RAPGEF2: variants seen among roughly 807,000 people sequenced by gnomAD.
RAPGEF2 encodes Rap guanine nucleotide exchange factor 2, also known as PDZ domain containing guanine nucleotide exchange factor (GEF) 1.
In RAPGEF2, 54 loss-of-function variants were observed where a neutral mutation model predicts 186.7. The ratio of observed to expected loss-of-function variants is 0.29; its 90% CI spans 0.23 to 0.36. The LOEUF (loss-of-function observed/expected upper bound fraction) is 0.36. RAPGEF2 is among the 10% of genes least tolerant of loss of function. RAPGEF2 has a pLI of 1.00. For missense variants in RAPGEF2, 1,532 were observed against 2,045.0 expected (o/e 0.75, Z 4.84); for synonymous variants, 712 against 705.9 (o/e 1.01, Z -0.14).
At chr4:159,342,410 T>C (rs1729593816) in intron 20 of RAPGEF2, among the ~76,000 whole-genome samples, 1 of 151,620 alleles carries the variant, frequency 6.6e-6, no homozygotes, top group Admixed American at 6.6e-5. Context: ...AGAGCTTAGA[T>C]TGAGGTTAGA....
intron 11 of RAPGEF2, chr4:159,327,806 A>G (rs1432786047): frequency 2.0e-5 from 3 of 151,956 alleles, no homozygotes; most frequent in Non-Finnish European, 1.5e-5. Flanking sequence ...AGTAAAATGT[A>G]TTTCTTTTAA....
At chr4:159,116,867 CTG>C (rs1366123660) in intron 1 of RAPGEF2, among the ~76,000 whole-genome samples, 1 of 152,086 alleles carries the variant, frequency 6.6e-6, no homozygotes, top group Non-Finnish European at 1.5e-5. Flanking sequence ...CACATGGACA[CTG>C]GGGCCTGTCA....
chr4:159,287,037 T>C (rs770601152), intron 7 of RAPGEF2, among the ~76,000 whole-genome samples: 1 of 152,152 alleles, frequency 6.6e-6, no homozygotes, highest in Non-Finnish European at 1.5e-5. Flanking sequence ...AGAGGAAAAT[T>C]AATAAGAAGT....
At chr4:159,327,783 A>T (rs1490370595) in intron 11 of RAPGEF2, 1 of 152,168 alleles carries the variant, frequency 6.6e-6, no homozygotes, top group Admixed American at 6.5e-5. Context: ...TTTAAAAAAG[A>T]TAAATATTTT....
intron 19 of RAPGEF2, among the ~76,000 whole-genome samples, chr4:159,340,503 A>C (rs1393759732): frequency 1.3e-5 from 2 of 152,184 alleles, no homozygotes; most frequent in African/African-American, 4.8e-5. Context: ...TCAAGGGCGC[A>C]AAGTATATAT....
intron 1 of RAPGEF2, among the ~76,000 whole-genome samples, chr4:159,181,479 T>C (rs1193884862): frequency 6.6e-6 from 1 of 151,860 alleles, no homozygotes; most frequent in Non-Finnish European, 1.5e-5. Flanking sequence ...GGGCAGATTA[T>C]GACAGGTTGA....
intron 1 of RAPGEF2, among the ~76,000 whole-genome samples, chr4:159,146,308 T>C (rs1318851565): frequency 6.6e-6 from 1 of 151,762 alleles, no homozygotes; most frequent in Non-Finnish European, 1.5e-5. Flanking sequence ...AATTATGCCA[T>C]AAAAAATCAG....
intron 3 of RAPGEF2, among the ~76,000 whole-genome samples, chr4:159,209,181 C>A (rs1750265719): frequency 8.3e-6 from 1 of 120,308 alleles, no homozygotes. Flanking sequence ...TGTGAGCCAC[C>A]ATGCCCAGCC....
intron 1 of RAPGEF2, among the ~76,000 whole-genome samples, chr4:159,185,924 C>G (rs1285220909): frequency 1.3e-5 from 2 of 152,094 alleles, no homozygotes; most frequent in African/African-American, 2.4e-5. Flanking sequence ...AAATATCCCT[C>G]ATATTCTTGA....
At chr4:159,323,719 A>AT in intron 11 of RAPGEF2, 102 bp downstream of exon 11, 9 of 689,134 alleles carry the variant, frequency 1.3e-5, no homozygotes, top group Admixed American at 5.0e-5. Flanking sequence ...TCTTACAAAT[A>AT]ATTTTTTTTT....
At position 159,359,599 on chromosome 4, in the gene RAPGEF2, A is replaced by G. The variant is rs1732504590; in HGVS notation, c.*1460A>G. ...TTTTCCATTAAATTCAGCTGATCAT[A>G]TTGATCAGTAGATAAACGTAAATAG... On this transcript the variant is annotated 3_prime_UTR_variant, in exon 30 of 30. Coordinates refer to ENST00000691494, the MANE Select transcript of RAPGEF2 (RefSeq NM_001394067.2). The G allele has an allele frequency of 6.6e-6, 1 of 152,220 alleles. No individual in the cohort carries two copies. The highest frequency in any genetic ancestry group is 1.5e-5 in the Non-Finnish European group (1 of 68,034). The allele number at this position is 152,220 out of a possible 1,614,324, so 9.4% of individuals were successfully genotyped here. A position where few individuals can be genotyped will look rare whatever the true frequency, so the allele number is the denominator to read the frequency against.
chr4:159,213,696 T>C (rs1296411310), intron 4 of RAPGEF2, among the ~76,000 whole-genome samples: 7 of 152,152 alleles, frequency 4.6e-5, no homozygotes, highest in Admixed American at 4.6e-4. Flanking sequence ...GTTATCTTCC[T>C]AGATAGATGA....
At chr4:159,115,941 A>G (rs1239132074) in intron 1 of RAPGEF2, among the ~76,000 whole-genome samples, 1 of 152,202 alleles carries the variant, frequency 6.6e-6, no homozygotes, top group Non-Finnish European at 1.5e-5. Context: ...TTAACTCAAG[A>G]TGGATTAAAG....
chr4:159,292,882 T>A (rs10017696), intron 7 of RAPGEF2, among the ~76,000 whole-genome samples: 46,209 of 152,060 alleles, frequency 0.3, 7,868 homozygotes, highest in Non-Finnish European at 0.39. Context: ...CAACTCCATA[T>A]ATTTCATTAC....
At chr4:159,228,972 C>T (rs1196587327) in intron 4 of RAPGEF2, among the ~76,000 whole-genome samples, 2 of 152,144 alleles carry the variant, frequency 1.3e-5, no homozygotes, top group East Asian at 3.9e-4. Context: ...TTAATTGCCA[C>T]TCTGCTGTCT....
chr4:159,342,422 G>GA (rs532993258), intron 20 of RAPGEF2, among the ~76,000 whole-genome samples: 15 of 148,438 alleles, frequency 1.0e-4, no homozygotes, highest in South Asian at 2.1e-4. Context: ...GAGGTTAGAA[G>GA]AAAAAAAAAT....
chr4:159,263,999 G>A (rs967636366), intron 7 of RAPGEF2, among the ~76,000 whole-genome samples: 3 of 152,140 alleles, frequency 2.0e-5, no homozygotes, highest in Non-Finnish European at 2.9e-5. Context: ...ACAAGATCTA[G>A]TTAATGCTAC....
In RAPGEF2 at chr4:159,152,399, C is replaced by G. The variant is rs186669118; in HGVS notation, c.70-34243C>G. 1.2e-3 allele frequency among the ~76,000 whole-genome samples: 183 copies of G among 152,282 alleles called. 1 individual carries two copies. The highest frequency in any genetic ancestry group is 4.1e-3 in the African/African-American group (169 of 41,556). On this transcript the variant is annotated intron_variant, in intron 1 of 29. Coordinates refer to ENST00000691494, the MANE Select transcript of RAPGEF2 (RefSeq NM_001394067.2). ...TCATTCTAAAACTTAAATCTGGACT[C>G]AGAGGCAGAATGCCCATTCCTGAAT...
intron 10 of RAPGEF2, 75 bp from the exon 11 acceptor site, chr4:159,323,384 T>C (rs1046732016): frequency 7.8e-5 from 97 of 1,237,152 alleles, no homozygotes; most frequent in Non-Finnish European, 1.1e-4. Flanking sequence ...AATTCATTTT[T>C]AGGGACCATA....
Sources: gnomAD v4.1 joint callset for allele counts (sites outside exome capture counted in the v4.1 genomes callset) on GRCh38, gnomAD v4.1.1 for gene constraint, MANE v1.5 for transcripts, NCBI Gene and HGNC (gene_info 2026-07-23, HGNC 2026-07-21) for gene names.